Variants in MAMDC2 observed in about 807,000 individuals in gnomAD.
MAMDC2 encodes the protein MAM domain-containing protein 2.
A neutral mutation model predicts 89.8 loss-of-function variants in MAMDC2; 57 were observed. The observed-to-expected ratio is 0.63, with a 90% CI of 0.51 to 0.79. The LOEUF (loss-of-function observed/expected upper bound fraction) is 0.79, where lower values mean the gene tolerates loss of function less well. Ranked by LOEUF, MAMDC2 falls within the 30% of genes least tolerant of loss-of-function variation. The pLI, the probability that MAMDC2 is intolerant of heterozygous loss-of-function variation, is 0.00. For synonymous variants in MAMDC2, 313 were observed against 293.4 expected, an observed-to-expected ratio of 1.07 and a Z score of -0.68; for missense variants, 800 against 820.6, an observed-to-expected ratio of 0.97 and a Z score of 0.31.
intron 11 of MAMDC2, among the ~76,000 whole-genome samples, chr9:70,201,968 C>A (rs374182325): frequency 1.3e-5 from 2 of 150,556 alleles, no homozygotes; most frequent in East Asian, 4.0e-4. Context: ...GTCTTGCTAG[C>A]GGTCTATCAA....
chr9:70,093,600 T>A (rs181994118), intron 2 of MAMDC2, among the ~76,000 whole-genome samples: 115 of 151,792 alleles, frequency 7.6e-4, no homozygotes, highest in African/African-American at 2.4e-3. Flanking sequence ...TAATTTTTTT[T>A]TTTTTATTTT....
chr9:70,203,005 A>G (rs1438569960), intron 11 of MAMDC2, among the ~76,000 whole-genome samples: 3 of 151,956 alleles, frequency 2.0e-5, no homozygotes, highest in African/African-American at 7.3e-5. Flanking sequence ...TTGACTCTTT[A>G]TCCAATTTGC....
chr9:70,106,733 A>C (rs1384170066), intron 2 of MAMDC2, among the ~76,000 whole-genome samples: 1 of 152,234 alleles, frequency 6.6e-6, no homozygotes, highest in African/African-American at 2.4e-5. Context: ...AGCAATTGCT[A>C]TCTGCACCCA....
chr9:70,083,371 T>G (rs1195830598), intron 2 of MAMDC2: 1 of 152,154 alleles, frequency 6.6e-6, no homozygotes, highest in Non-Finnish European at 1.5e-5. Context: ...TGGAAAATAG[T>G]TCATATATCG....
chr9:70,206,936 A>G (rs2033238027), intron 11 of MAMDC2, among the ~76,000 whole-genome samples: 1 of 152,218 alleles, frequency 6.6e-6, no homozygotes, highest in Non-Finnish European at 1.5e-5. Flanking sequence ...AGCTTCATCC[A>G]TGTCCCTACA....
At chr9:70,070,963 C>T (rs1444260281) in intron 2 of MAMDC2, among the ~76,000 whole-genome samples, 1 of 152,078 alleles carries the variant, frequency 6.6e-6, no homozygotes, top group Admixed American at 6.6e-5. Context: ...AAATCATGAT[C>T]AATTAAATAT....
intron 5 of MAMDC2, among the ~76,000 whole-genome samples, chr9:70,124,432 T>C (rs566274263): frequency 6.6e-6 from 1 of 152,328 alleles, no homozygotes; most frequent in East Asian, 1.9e-4. Context: ...AGGTAAACTA[T>C]ATTCAAAGAA....
intron 2 of MAMDC2, among the ~76,000 whole-genome samples, chr9:70,050,986 T>C (rs1434348969): frequency 6.6e-6 from 1 of 152,234 alleles, no homozygotes; most frequent in Non-Finnish European, 1.5e-5. Context: ...TGCTTTCTGC[T>C]TCATTATTCT....
chr9:70,194,249 ACAAT>A (rs1245946772), intron 11 of MAMDC2: 1 of 152,104 alleles, frequency 6.6e-6, no homozygotes, highest in Non-Finnish European at 1.5e-5. Context: ...AATAAAGATA[ACAAT>A]CAGTGACCTG....
chr9:70,108,564 T>A, intron 3 of MAMDC2, 82 bp downstream of exon 3: 1 of 1,263,064 alleles, frequency 7.9e-7, no homozygotes, highest in Non-Finnish European at 1.1e-6. Context: ...ACTTCTGACA[T>A]GGAGGTTAGT....
chr9:70,174,866 C>T (rs1482668723), intron 11 of MAMDC2, among the ~76,000 whole-genome samples: 6 of 151,876 alleles, frequency 4.0e-5, no homozygotes, highest in Admixed American at 2.0e-4. Flanking sequence ...GCTGGGATTA[C>T]AGGTGCCCGC....
chr9:70,104,214 CT>C (rs1164070488), intron 2 of MAMDC2, among the ~76,000 whole-genome samples: 1 of 152,056 alleles, frequency 6.6e-6, no homozygotes, highest in Non-Finnish European at 1.5e-5. Flanking sequence ...TAATTAGTCA[CT>C]TGAGAAATGC....
At chr9:70,043,818 T>G, upstream of MAMDC2, 1 of 257,472 alleles carries the variant, frequency 3.9e-6, no homozygotes, top group East Asian at 8.8e-5. Flanking sequence ...GTCCCAAGCT[T>G]TAAAATCCTG....
At chr9:70,120,771 C>T (rs150454684) in intron 5 of MAMDC2, among the ~76,000 whole-genome samples, 543 of 152,264 alleles carry the variant, frequency 3.6e-3, no homozygotes, top group Non-Finnish European at 5.8e-3. Context: ...CTTACGTCAT[C>T]CTTGAAAGCT....
At chr9:70,079,371 AACAAATTCATG>A (rs1827605352) in intron 2 of MAMDC2, 1 of 152,174 alleles carries the variant, frequency 6.6e-6, no homozygotes, top group Non-Finnish European at 1.5e-5. Context: ...TTATTCAAGG[AACAAATTCATG>A]ACATTATAAA....
At chr9:70,217,276 G>T in intron 11 of MAMDC2, 6 of 1,190,966 alleles carry the variant, frequency 5.0e-6, no homozygotes, top group Non-Finnish European at 7.5e-6. Flanking sequence ...CGACGGGAAG[G>T]TTTTCGAGTT....
At chr9:70,221,795 TAAG>T (rs1443377373) in intron 12 of MAMDC2, among the ~76,000 whole-genome samples, 2 of 151,830 alleles carry the variant, frequency 1.3e-5, no homozygotes, top group Admixed American at 6.6e-5. Flanking sequence ...AAAATAATAT[TAAG>T]AAGAGGAAGG....
chr9:70,093,234 A>G (rs1216010813), intron 2 of MAMDC2, among the ~76,000 whole-genome samples: 1 of 152,202 alleles, frequency 6.6e-6, no homozygotes, highest in Non-Finnish European at 1.5e-5. Context: ...ATATTCAGCC[A>G]TGCTGATGGC....
chr9:70,195,535 A>C (rs1305971495), intron 11 of MAMDC2, among the ~76,000 whole-genome samples: 1 of 152,096 alleles, frequency 6.6e-6, no homozygotes, highest in African/African-American at 2.4e-5. Context: ...ATAATTCAAA[A>C]ATTTTAAATT....
Sources: allele counts gnomAD v4.1 joint callset (sites outside exome capture counted in the v4.1 genomes callset), GRCh38; gene constraint gnomAD v4.1.1; transcripts MANE v1.5; gene names NCBI Gene and HGNC (gene_info 2026-07-23, HGNC 2026-07-21).